PEMT: variants seen among roughly 807,000 people sequenced by gnomAD.
PEMT encodes the protein phospholipid methyltransferase.
Under a neutral mutation model 27.4 loss-of-function variants are expected in PEMT, and 23 were observed. That is an observed-to-expected ratio of 0.84 (90% CI 0.60 to 1.19). The LOEUF is 1.19. Ranked by LOEUF, PEMT falls within the 50% of genes most tolerant of loss-of-function variation. PEMT has a pLI of 0.00. For missense variants in PEMT, 307 were observed against 310.1 expected (o/e 0.99, Z 0.07); for synonymous variants, 137 against 139.1 (o/e 0.98, Z 0.11).
intron 1 of PEMT, among the ~76,000 whole-genome samples, chr17:17,586,222 AAGAAAG>A (rs1392054919): frequency 3.5e-5 from 2 of 57,334 alleles, no homozygotes; most frequent in Non-Finnish European, 6.8e-5. Flanking sequence ...AAGAAAAAGA[AAGAAAG>A]AAAGAAAGAA....
intron 2 of PEMT, among the ~76,000 whole-genome samples, chr17:17,560,786 C>T (rs1436717658): frequency 6.6e-6 from 1 of 152,008 alleles, no homozygotes; most frequent in African/African-American, 2.4e-5. Flanking sequence ...CTCCCTGCTG[C>T]CCTAGCCACA....
chr17:17,524,934 C>A (rs1313527486), intron 2 of PEMT, among the ~76,000 whole-genome samples: 1 of 152,116 alleles, frequency 6.6e-6, no homozygotes, highest in East Asian at 1.9e-4. Context: ...ACGGTGAAAC[C>A]CTGTCTCTAT....
intron 2 of PEMT, among the ~76,000 whole-genome samples, chr17:17,540,897 G>A (rs1908834318): frequency 6.6e-6 from 1 of 152,220 alleles, no homozygotes; most frequent in Non-Finnish European, 1.5e-5. Context: ...AATGTTCGCT[G>A]ATTATAAATC....
chr17:17,510,581 G>A (rs1226083636), intron 4 of PEMT, among the ~76,000 whole-genome samples: 1 of 152,184 alleles, frequency 6.6e-6, no homozygotes, highest in Non-Finnish European at 1.5e-5. Context: ...TGGGGCACAG[G>A]GTGTGCGTAG....
intron 2 of PEMT, among the ~76,000 whole-genome samples, chr17:17,535,188 G>A (rs1001203487): frequency 1.1e-4 from 16 of 152,054 alleles, no homozygotes; most frequent in Non-Finnish European, 2.1e-4. Context: ...GGGATTACAG[G>A]CTGAACCACC....
intron 1 of PEMT, among the ~76,000 whole-genome samples, chr17:17,583,482 A>G (rs1912084637): frequency 6.6e-6 from 1 of 152,194 alleles, no homozygotes; most frequent in African/African-American, 2.4e-5. Flanking sequence ...TTTTCCACAT[A>G]AGAGGCCACC....
intron 2 of PEMT, among the ~76,000 whole-genome samples, chr17:17,541,401 G>A (rs1015415707): frequency 1.4e-4 from 21 of 152,204 alleles, no homozygotes; most frequent in Non-Finnish European, 2.6e-4. Context: ...AGGGAGCATC[G>A]TGGACCGTGG....
intron 3 of PEMT, 52 bp downstream of exon 3, chr17:17,522,228 C>T (rs1907321560): frequency 7.6e-7 from 1 of 1,310,222 alleles, no homozygotes; most frequent in Non-Finnish European, 1.1e-6. Context: ...CCAGTAGCGG[C>T]CCTCCCGCTA....
intron 3 of PEMT, among the ~76,000 whole-genome samples, chr17:17,515,281 T>G (rs979610625): frequency 6.6e-6 from 1 of 152,192 alleles, no homozygotes. Context: ...GCCCAGCTCA[T>G]TCAGGGCCCA....
At chr17:17,569,998 C>T (rs1022935807) in intron 2 of PEMT, among the ~76,000 whole-genome samples, 4 of 152,228 alleles carry the variant, frequency 2.6e-5, no homozygotes, top group Middle Eastern at 3.2e-3. Context: ...TTCACAGAGT[C>T]GGGGTGTGCA....
intron 2 of PEMT, among the ~76,000 whole-genome samples, chr17:17,539,139 TTTG>T (rs775810763): frequency 9.2e-5 from 14 of 152,240 alleles, no homozygotes; most frequent in Admixed American, 7.8e-4. Flanking sequence ...GTCTGTGAGT[TTTG>T]TTGTTGTTGT....
intron 2 of PEMT, among the ~76,000 whole-genome samples, chr17:17,566,950 C>T (rs980562514): frequency 2.6e-5 from 4 of 152,220 alleles, no homozygotes; most frequent in African/African-American, 7.2e-5. Flanking sequence ...GGAGGGATCC[C>T]GAGAGATGTC....
At chr17:17,586,208 AAGAAAGAAAAAGAAAG>A (rs1456607049) in intron 1 of PEMT, among the ~76,000 whole-genome samples, 47 of 141,716 alleles carry the variant, frequency 3.3e-4, no homozygotes, top group African/African-American at 1.2e-3. Flanking sequence ...GAAAGAAAGA[AAGAAAGAAAAAGAAAG>A]AAAGAAAGAA....
chr17:17,574,540 C>G (rs1453160951), intron 2 of PEMT, among the ~76,000 whole-genome samples: 3 of 152,064 alleles, frequency 2.0e-5, no homozygotes, highest in African/African-American at 7.2e-5. Context: ...AGGCTGGTCT[C>G]GAACTCCTGA....
chr17:17,509,437 A>G lies in PEMT; in HGVS notation c.575T>C (p.Ile192Thr). 2.5e-6 allele frequency: 4 copies of G among 1,606,752 alleles called. No homozygotes were observed. The highest frequency in any genetic ancestry group is 3.4e-6 in the Non-Finnish European group (4 of 1,173,966). Residue 192 changes from isoleucine to threonine, a missense_variant, in exon 5 of 7, where the codon ATC (isoleucine) becomes ACC (threonine). Ile to Thr is a moderately conservative substitution (Grantham distance 89). Coordinates refer to ENST00000255389, the MANE Select transcript of PEMT (RefSeq NM_148172.3). ...GGGTGGCAAGCCTGGTACTCACATGATGGCCCAGCCCAGGTAGTTGGCTGT... is the reference window on the plus strand; with the variant it reads ...GGGTGGCAAGCCTGGTACTCACATGGTGGCCCAGCCCAGGTAGTTGGCTGT... Reference protein sequence around the residue: ...GSTANYLGWAIMHASPTGLLL... With the variant: ...GSTANYLGWATMHASPTGLLL...
intron 2 of PEMT, among the ~76,000 whole-genome samples, chr17:17,557,186 T>G (rs2142674442): frequency 6.6e-6 from 1 of 152,280 alleles, no homozygotes; most frequent in South Asian, 2.1e-4. Flanking sequence ...TCCCGGCCTC[T>G]GGGCAGCCTG....
chr17:17,515,025 G>T (rs1400987451), intron 3 of PEMT, among the ~76,000 whole-genome samples: 1 of 152,232 alleles, frequency 6.6e-6, no homozygotes, highest in Non-Finnish European at 1.5e-5. Context: ...TCTGCCTGCT[G>T]TGGAAAATGC....
chr17:17,506,999 C>T lies in PEMT; in HGVS notation c.579-698G>A, dbSNP rs552408460. 995 of 670,896 alleles carry T rather than the reference C, an allele frequency of 1.5e-3. 8 individuals are homozygous for T. The African/African-American group carries it at 0.015, about 10-fold the overall frequency. 41.6% of individuals were successfully genotyped at this position (670,896 alleles called of 1,614,324 possible). A position where few individuals can be genotyped will look rare whatever the true frequency, so the allele number is the denominator to read the frequency against. On this transcript the variant is annotated intron_variant, in intron 5 of 6. Coordinates refer to ENST00000255389, the MANE Select transcript of PEMT (RefSeq NM_148172.3). ...GCAGAGCATACAGCAGGCCCAAGGC[C>T]GGATGGAGCATCGCCAGGGGCTCTT...
chr17:17,523,006 T>C lies in PEMT; in HGVS notation c.205-611A>G, dbSNP rs1907397482. ...CAGAATCCTTTTACTTTGTTTTTTT[T>C]CAAACTAATCACATCTGGAATCTCA... On this transcript the variant is annotated intron_variant, in intron 2 of 6. Coordinates refer to ENST00000255389, the MANE Select transcript of PEMT (RefSeq NM_148172.3). This position sits in a 1 kb window ranked among gnomAD's most constrained non-coding sequence, Gnocchi z 4.8. Among the ~76,000 whole-genome samples the C allele has an allele frequency of 6.6e-6, 1 of 152,204 alleles. No homozygotes were observed. The highest frequency in any genetic ancestry group is 2.4e-5 in the African/African-American group (1 of 41,456).
Sources: allele counts gnomAD v4.1 joint callset (sites outside exome capture counted in the v4.1 genomes callset), GRCh38; gene constraint gnomAD v4.1.1; non-coding constraint Gnocchi (gnomAD v3.1); transcripts MANE v1.5; gene names NCBI Gene and HGNC (gene_info 2026-07-23, HGNC 2026-07-21).